RANBP2: variants seen among roughly 807,000 people sequenced by gnomAD.
RANBP2 encodes E3 SUMO-protein ligase RanBP2.
Under a neutral mutation model 303.6 loss-of-function variants are expected in RANBP2, and 57 were observed. The observed-to-expected ratio is 0.19, with a 90% confidence interval of 0.15 to 0.23. RANBP2 has a LOEUF of 0.23. Ranked by LOEUF, RANBP2 falls within the 10% of genes least tolerant of loss-of-function variation. The pLI is 1.00. For missense variants in RANBP2, 3,138 were observed against 3,780.8 expected, an observed-to-expected ratio of 0.83 and a Z score of 4.46; for synonymous variants, 1,167 against 1,301.5, an observed-to-expected ratio of 0.90 and a Z score of 2.23.
At chr2:109,550,513 C>A in the RANBP2 span, among the ~76,000 whole-genome samples, 1 of 151,836 alleles carries the variant, frequency 6.6e-6, no homozygotes, top group Non-Finnish European at 1.5e-5. Flanking sequence ...GGGGTTTCAC[C>A]ATATTGACCA....
At chr2:109,283,729 T>G in the RANBP2 span, among the ~76,000 whole-genome samples, 31 of 152,346 alleles carry the variant, frequency 2.0e-4, 1 homozygote, top group South Asian at 2.1e-3. Context: ...GCTAAATCGC[T>G]GGCCTGAGCC....
chr2:109,180,349 C>T, the RANBP2 span, among the ~76,000 whole-genome samples: 2 of 152,150 alleles, frequency 1.3e-5, no homozygotes, highest in African/African-American at 4.8e-5. Flanking sequence ...GATTCCATTT[C>T]CCAAAAGGGA....
the RANBP2 span, among the ~76,000 whole-genome samples, chr2:109,725,327 G>A: frequency 6.6e-6 from 1 of 152,224 alleles, no homozygotes; most frequent in African/African-American, 2.4e-5. Context: ...CAGGGTGAGG[G>A]TCTTGATGCC....
At chr2:109,384,466 A>G in the RANBP2 span, among the ~76,000 whole-genome samples, 6 of 151,926 alleles carry the variant, frequency 3.9e-5, no homozygotes, top group Admixed American at 2.0e-4. Context: ...GAGGGACTCT[A>G]AGCCAGGGTG....
At chr2:108,909,695 C>A in the RANBP2 span, among the ~76,000 whole-genome samples, 1 of 152,184 alleles carries the variant, frequency 6.6e-6, no homozygotes, top group African/African-American at 2.4e-5. Flanking sequence ...GGACCAAGTC[C>A]AAATGACCAT....
At chr2:109,010,971 C>A in the RANBP2 span, among the ~76,000 whole-genome samples, 164 of 152,316 alleles carry the variant, frequency 1.1e-3, no homozygotes, top group African/African-American at 3.8e-3. Flanking sequence ...TTCCACTGTA[C>A]ATGGCTGCTG....
chr2:109,298,502 G>C, the RANBP2 span, among the ~76,000 whole-genome samples: 1 of 152,074 alleles, frequency 6.6e-6, no homozygotes, highest in Non-Finnish European at 1.5e-5. Flanking sequence ...GATGATTTAG[G>C]TCACTTTGCT....
the RANBP2 span, among the ~76,000 whole-genome samples, chr2:109,288,242 A>G: frequency 1.3e-5 from 2 of 152,376 alleles, no homozygotes; most frequent in South Asian, 4.1e-4. Context: ...GAACAAAGAA[A>G]GTTAAAAACC....
chr2:108,987,339 A>G, the RANBP2 span, among the ~76,000 whole-genome samples: 1 of 152,314 alleles, frequency 6.6e-6, no homozygotes, highest in East Asian at 1.9e-4. Context: ...TAACAGAGGC[A>G]AGTAGGTTTT....
the RANBP2 span, among the ~76,000 whole-genome samples, chr2:109,305,364 A>G: frequency 6.6e-6 from 1 of 152,014 alleles, no homozygotes; most frequent in Admixed American, 6.6e-5. Flanking sequence ...AGGTATGGCC[A>G]TGGAGGCCCA....
chr2:109,648,934 C>T, the RANBP2 span, among the ~76,000 whole-genome samples: 1 of 152,036 alleles, frequency 6.6e-6, no homozygotes, highest in Non-Finnish European at 1.5e-5. Flanking sequence ...GTGTGGAGTG[C>T]TGGGAGTGTC....
At chr2:109,449,167 C>A in the RANBP2 span, 3 of 1,612,876 alleles carry the variant, frequency 1.9e-6, no homozygotes, top group Non-Finnish European at 2.5e-6. Context: ...ACCCCGTCTC[C>A]AGCTGCCCAC....
At chr2:109,353,536 G>C in the RANBP2 span, among the ~76,000 whole-genome samples, 1 of 152,204 alleles carries the variant, frequency 6.6e-6, no homozygotes, top group Non-Finnish European at 1.5e-5. Flanking sequence ...GGCGCCTGGA[G>C]GGACGTGGAG....
chr2:109,021,609 G>C, the RANBP2 span, among the ~76,000 whole-genome samples: 572 of 152,066 alleles, frequency 3.8e-3, 8 homozygotes, highest in African/African-American at 0.013. Flanking sequence ...CCAGACCTGA[G>C]GGGTCTGGGG....
the RANBP2 span, among the ~76,000 whole-genome samples, chr2:109,173,118 T>C: frequency 6.6e-6 from 1 of 152,396 alleles, no homozygotes; most frequent in Non-Finnish European, 1.5e-5. Context: ...TGAACATCTT[T>C]TTTTAACTCA....
chr2:109,648,360 C>T, the RANBP2 span, among the ~76,000 whole-genome samples: 1 of 152,172 alleles, frequency 6.6e-6, no homozygotes, highest in Non-Finnish European at 1.5e-5. Context: ...ATCTGATTTA[C>T]ACTTTTTTTT....
the RANBP2 span, among the ~76,000 whole-genome samples, chr2:109,771,604 T>G: frequency 4.7e-5 from 1 of 21,084 alleles, no homozygotes; most frequent in African/African-American, 3.5e-4. Flanking sequence ...TTTAATTTTT[T>G]TCAATAAGTA....
At chr2:109,508,762 A>C in the RANBP2 span, among the ~76,000 whole-genome samples, 1 of 152,120 alleles carries the variant, frequency 6.6e-6, no homozygotes, top group East Asian at 1.9e-4. Flanking sequence ...TCACAGATGA[A>C]TGTAAGTGCT....
chr2:109,717,410 C>T, the RANBP2 span, among the ~76,000 whole-genome samples: 290 of 151,894 alleles, frequency 1.9e-3, 3 homozygotes, highest in African/African-American at 6.6e-3. Flanking sequence ...TGTGAAATCC[C>T]GTCTCAACTA....
Sources: allele counts gnomAD v4.1 joint callset (sites outside exome capture counted in the v4.1 genomes callset), GRCh38; gene constraint gnomAD v4.1.1; transcripts MANE v1.5; gene names NCBI Gene and HGNC (gene_info 2026-07-23, HGNC 2026-07-21).